The following CCT6A variants were observed in gnomAD, a reference collection of about 807,000 sequenced individuals.
The protein encoded by CCT6A is T-complex protein 1 subunit zeta.
CCT6A carries 6 observed loss-of-function variants against 58.6 expected under a neutral mutation model. The observed-to-expected ratio is 0.10, with a 90% CI of 0.06 to 0.20. The LOEUF is 0.20. Ranked by LOEUF, CCT6A falls within the 10% of genes least tolerant of loss-of-function variation. The pLI is 1.00. For missense variants in CCT6A, 516 were observed against 648.8 expected (o/e 0.80, Z 2.22); for synonymous variants, 245 against 227.8 (o/e 1.08, Z -0.68).
chr7:56,061,999 TA>T, intron 12 of CCT6A, 150 bp downstream of exon 12: 1 of 493,218 alleles, frequency 2.0e-6, no homozygotes, highest in Non-Finnish European at 3.6e-6. Context: ...AGGATATTAA[TA>T]AAAAATGGAA....
chr7:56,062,787 A>G lies in CCT6A; in HGVS notation c.1523+32A>G, dbSNP rs756570107. On this transcript the variant is annotated intron_variant, in intron 13 of 13. Coordinates refer to ENST00000275603, the MANE Select transcript of CCT6A (RefSeq NM_001762.4). Reference sequence around the variant, plus strand: ...TTGGGAAAATGAAAACTAAACTGTTAGAGAATCATACTTTTTTCATTTGGT... The same window carrying G: ...TTGGGAAAATGAAAACTAAACTGTTGGAGAATCATACTTTTTTCATTTGGT... The G allele has an allele frequency of 3.9e-6, 6 of 1,533,458 alleles. No homozygotes were observed. The Admixed American group carries it at 6.9e-5, about 18-fold the overall frequency. The allele number at this position is 1,533,458 out of a possible 1,614,324, so 95.0% of individuals were successfully genotyped here.
chr7:56,059,720 T>G, intron 9 of CCT6A, 80 bp downstream of exon 9: 1 of 741,908 alleles, frequency 1.3e-6, no homozygotes, highest in Non-Finnish European at 2.4e-6. Flanking sequence ...AGGTGGGGTC[T>G]CACTCCTGCC....
In CCT6A at chr7:56,063,030, A is replaced by G. The variant is rs181438759; in HGVS notation, c.1541A>G (p.Asn514Ser). 1.2e-5 allele frequency: 20 copies of G among 1,612,876 alleles called. No homozygotes were observed. In the East Asian group the frequency reaches 1.3e-4, roughly 11 times the overall value. ...LLHSCTVIATNILLVDEIMRA... is the reference protein window; with the variant it reads ...LLHSCTVIATSILLVDEIMRA... ...CCTTTCAGCACTGTGATTGCCACCA[A>G]CATTCTCTTGGTTGATGAGATCATG... Residue 514 changes from asparagine to serine, a missense_variant, in exon 14 of 14, where the codon AAC (asparagine) becomes AGC (serine). By Grantham distance (46) the Asn-to-Ser change is conservative. Coordinates refer to ENST00000275603, the MANE Select transcript of CCT6A (RefSeq NM_001762.4).
rs760207598 is a variant in CCT6A at position 56,063,382 on chromosome 7, T to C, written c.*297T>C. 3.7e-4 allele frequency: 119 copies of C among 321,086 alleles called. 1 individual carries two copies. Among genetic ancestry groups the C allele is most frequent in the Non-Finnish European group, 5.6e-4 (97 of 174,192 alleles). 19.9% of individuals were successfully genotyped at this position (321,086 alleles called of 1,614,324 possible). On this transcript the variant is annotated 3_prime_UTR_variant, in exon 14 of 14. Coordinates refer to ENST00000275603, the MANE Select transcript of CCT6A (RefSeq NM_001762.4). The stretch of plus-strand genomic sequence containing the variant: ...TAAGCATATGTTACTTACCTTGTTA[T>C]TAAATATTTCTTGAAAAGCAAATTT...
Position 56,051,791 on chromosome 7 carries a change from C to T in CCT6A, c.-58C>T, listed in dbSNP as rs545599589. The T allele has an allele frequency of 6.7e-5, 103 of 1,533,670 alleles. No individual in the cohort carries two copies. Among genetic ancestry groups the T allele is most frequent in the Non-Finnish European group, 8.4e-5 (96 of 1,139,648 alleles). On this transcript the variant is annotated 5_prime_UTR_variant, in exon 1 of 14. Transcript: ENST00000275603. ...GAAGACCCGGATAGTTCCTCCCGGCCACGCCGCGCCGGCTCTGGGCACTCA... is the reference window on the plus strand; with the variant it reads ...GAAGACCCGGATAGTTCCTCCCGGCTACGCCGCGCCGGCTCTGGGCACTCA...
chr7:56,057,916 C>G, intron 5 of CCT6A, 77 bp from the exon 6 acceptor site: 2 of 799,612 alleles, frequency 2.5e-6, no homozygotes, highest in South Asian at 2.9e-5. Flanking sequence ...AATATCAATA[C>G]CTTCTCATTT....
chr7:56,052,597 C>T (rs987012694), intron 2 of CCT6A, 112 bp downstream of exon 2: 4 of 918,080 alleles, frequency 4.4e-6, no homozygotes, highest in East Asian at 4.9e-5. Flanking sequence ...TCAGAAGTGG[C>T]GTGTAATCAG....
rs765848403 is a variant in CCT6A at position 56,060,790 on chromosome 7, T to C, written c.1214-17T>C. ...CTGCAGTTTTCTTAGCATTTTTCCT[T>C]TTCCCCCATCCAACAGGCTGTGTGG... On this transcript the variant is annotated splice_polypyrimidine_tract_variant and intron_variant, in intron 10 of 13. Coordinates refer to ENST00000275603, the MANE Select transcript of CCT6A (RefSeq NM_001762.4). 6.9e-6 allele frequency: 11 copies of C among 1,593,604 alleles called. No individual in the cohort carries two copies. Among genetic ancestry groups the C allele is most frequent in the African/African-American group, 1.4e-5 (1 of 73,714 alleles).
intron 10 of CCT6A, 143 bp downstream of exon 10, chr7:56,060,559 C>T (rs766842173): frequency 4.0e-6 from 4 of 995,944 alleles, no homozygotes; most frequent in Non-Finnish European, 6.4e-6. Flanking sequence ...TGATGGTATG[C>T]TAAGGTTTTT....
At chr7:56,052,515 G>A (rs777542155) in intron 2 of CCT6A, 30 bp downstream of exon 2, 12 of 1,567,800 alleles carry the variant, frequency 7.7e-6, no homozygotes, top group Non-Finnish European at 1.1e-5. Context: ...AGGTCAGAAA[G>A]GTCTTGATTT....
At position 56,054,551 on chromosome 7, in the gene CCT6A, G is replaced by A. The variant is rs1217454003; in HGVS notation, c.336+48G>A. 13 of 1,556,886 alleles carry A rather than the reference G, an allele frequency of 8.3e-6. No individual in the cohort carries two copies. In the Admixed American group the frequency reaches 2.2e-4, roughly 27 times the overall value. On this transcript the variant is annotated intron_variant, in intron 3 of 13. Transcript: ENST00000275603. ...TAATTTTTTTTTGTATATAGGAAGTGTCTGATATTTATACAAATTGATGTG... is the reference window on the plus strand; with the variant it reads ...TAATTTTTTTTTGTATATAGGAAGTATCTGATATTTATACAAATTGATGTG...
chr7:56,057,512 C>T (rs1382244606), intron 5 of CCT6A, among the ~76,000 whole-genome samples: 1 of 152,032 alleles, frequency 6.6e-6, no homozygotes, highest in Non-Finnish European at 1.5e-5. Flanking sequence ...TTTTAAAGGA[C>T]GTCATCACAG....
At chr7:56,062,925 A>G (rs1260377542) in intron 13 of CCT6A, 88 bp from the exon 14 acceptor site, 2 of 1,169,094 alleles carry the variant, frequency 1.7e-6, no homozygotes, top group African/African-American at 3.0e-5. Context: ...AATTGGATGT[A>G]ATGTGTGCAG....
chr7:56,054,476 G>C lies in CCT6A; in HGVS notation c.309G>C (p.Leu103=), dbSNP rs753333082. The change falls in exon 3 of 14, where the codon CTG becomes CTC. Residue 103 remains leucine (L), a synonymous_variant. Coordinates refer to ENST00000275603, the MANE Select transcript of CCT6A (RefSeq NM_001762.4). ...ATGTCCTAATCATTGGAGAGCTGCT[G>C]AAACAGGCGGATCTCTACATTTCTG... ...TSNVLIIGEL[L]KQADLYISEG... is the part of the protein sequence containing the mutation. The C allele has an allele frequency of 1.9e-5, 31 of 1,613,336 alleles. No homozygotes were observed. In the East Asian group the frequency reaches 6.9e-4, roughly 36 times the overall value.
In CCT6A at chr7:56,059,535, C is replaced by T. The variant is rs761361060; in HGVS notation, c.969-9C>T. On this transcript the variant is annotated splice_polypyrimidine_tract_variant and intron_variant, in intron 8 of 13. Coordinates refer to ENST00000275603, the MANE Select transcript of CCT6A (RefSeq NM_001762.4). ...TTGCTTATCCATCTCCCTTAAAATG[C>T]TATTTCAGGCTGACTCTTGCTTGTG... 1 of 1,515,096 alleles carries T rather than the reference C, an allele frequency of 6.6e-7. No individual in the cohort carries two copies. Among genetic ancestry groups the T allele is most frequent in the Admixed American group, 1.7e-5 (1 of 59,812 alleles). The allele number at this position is 1,515,096 out of a possible 1,614,324, so 93.9% of individuals were successfully genotyped here. A position where few individuals can be genotyped will look rare whatever the true frequency, so the allele number is the denominator to read the frequency against.
At chr7:56,058,142 T>G (rs750131519) in intron 6 of CCT6A, 39 bp downstream of exon 6, 25 of 1,204,234 alleles carry the variant, frequency 2.1e-5, no homozygotes, top group Non-Finnish European at 3.1e-5. Context: ...TGGAGAAGCT[T>G]CGTATTTTAG....
chr7:56,055,459 G>A lies in CCT6A; in HGVS notation c.337-165G>A. 4.3e-6 allele frequency: 3 copies of A among 701,982 alleles called. No homozygotes were observed. In the Admixed American group the frequency reaches 6.7e-5, roughly 16 times the overall value. 43.5% of individuals were successfully genotyped at this position (701,982 alleles called of 1,614,324 possible). A position where few individuals can be genotyped will look rare whatever the true frequency, so the allele number is the denominator to read the frequency against. ...CCTGTTCATCTGCTCTGCATTGAAAGGAATATTTGTCCTTTTAAATGTATT... is the reference window on the plus strand; with the variant it reads ...CCTGTTCATCTGCTCTGCATTGAAAAGAATATTTGTCCTTTTAAATGTATT... On this transcript the variant is annotated intron_variant, in intron 3 of 13. Coordinates refer to ENST00000275603, the MANE Select transcript of CCT6A (RefSeq NM_001762.4).
chr7:56,060,975 A>T (rs1471612096), intron 11 of CCT6A, 35 bp downstream of exon 11: 1 of 1,567,250 alleles, frequency 6.4e-7, no homozygotes, highest in Non-Finnish European at 8.6e-7. Context: ...CTTCCAAAAG[A>T]TTCAGCTGAT....
rs1307695973 is a variant in CCT6A at position 56,061,409 on chromosome 7, C to G, written c.1348-338C>G. On this transcript the variant is annotated intron_variant, in intron 11 of 13. Coordinates refer to ENST00000275603, the MANE Select transcript of CCT6A (RefSeq NM_001762.4). ...TTTTTTTTTTTGAGACAGTTTTGTT[C>G]TTGTTTCCCAGGCTGGAGTGTAATG... Among the ~76,000 whole-genome samples the G allele has an allele frequency of 1.4e-4, 9 of 62,256 alleles. No individual in the cohort carries two copies. The South Asian group carries it at 3.9e-3, about 27-fold the overall frequency. 40.8% of individuals were successfully genotyped at this position (62,256 alleles called of 152,430 possible). A position where few individuals can be genotyped will look rare whatever the true frequency, so the allele number is the denominator to read the frequency against.
Sources: gnomAD v4.1 joint callset for allele counts (sites outside exome capture counted in the v4.1 genomes callset) on GRCh38, gnomAD v4.1.1 for gene constraint, MANE v1.5 for transcripts, NCBI Gene and HGNC (gene_info 2026-07-23, HGNC 2026-07-21) for gene names.